The following BIN3 variants were observed in gnomAD, a reference collection of about 807,000 sequenced individuals.
The protein encoded by BIN3 is bridging integrator 3.
Under a neutral mutation model 38.2 loss-of-function variants are expected in BIN3, and 41 were observed. That is an observed-to-expected ratio of 1.07 (90% confidence interval 0.84 to 1.39). BIN3 has a LOEUF of 1.39. BIN3 is among the 40% of genes most tolerant of loss of function. The probability of loss-of-function intolerance (pLI) is 0.00; values close to 1 mark genes in which losing one functional copy is unlikely to be tolerated. For synonymous variants in BIN3, 145 were observed against 122.6 expected (o/e 1.18, Z -1.21); for missense variants, 361 against 324.3 (o/e 1.11, Z -0.87).
At chr8:22,621,807 G>A (rs1049629971) in intron 8 of BIN3, among the ~76,000 whole-genome samples, 3 of 152,218 alleles carry the variant, frequency 2.0e-5, no homozygotes, top group Admixed American at 2.0e-4. Flanking sequence ...CGGGCTCCTG[G>A]TTCCCCCAGC....
chr8:22,660,059 A>C (rs770826961), intron 1 of BIN3, among the ~76,000 whole-genome samples: 24 of 152,194 alleles, frequency 1.6e-4, no homozygotes, highest in Non-Finnish European at 3.2e-4. Flanking sequence ...ATGCACCACC[A>C]CCAGGCCCAA....
intron 1 of BIN3, among the ~76,000 whole-genome samples, chr8:22,662,520 G>A (rs1389352298): frequency 4.6e-5 from 7 of 152,200 alleles, no homozygotes; most frequent in Non-Finnish European, 7.3e-5. Context: ...AAAGAACTCA[G>A]CCAGTGTTCT....
intron 1 of BIN3, among the ~76,000 whole-genome samples, chr8:22,652,177 C>CT (rs1047329522): frequency 6.6e-6 from 1 of 152,016 alleles, no homozygotes; most frequent in African/African-American, 2.4e-5. Flanking sequence ...CTCCAAGTTG[C>CT]TTTTTTTCTT....
chr8:22,624,643 G>C (rs1801951967), intron 6 of BIN3: 1 of 378,062 alleles, frequency 2.6e-6, no homozygotes, highest in African/African-American at 2.1e-5. Context: ...CAGATGAGAG[G>C]AGGTGGGGTT....
intron 4 of BIN3, among the ~76,000 whole-genome samples, chr8:22,634,013 G>A (rs1802289367): frequency 6.6e-6 from 1 of 152,222 alleles, no homozygotes; most frequent in Non-Finnish European, 1.5e-5. Context: ...CATGGACGGT[G>A]CGTCACGGAC....
chr8:22,632,605 G>A (rs1053280189), intron 4 of BIN3, among the ~76,000 whole-genome samples: 62 of 151,662 alleles, frequency 4.1e-4, no homozygotes, highest in African/African-American at 1.5e-3. Context: ...GATAAAGCTG[G>A]AAATGTTTCT....
intron 6 of BIN3, among the ~76,000 whole-genome samples, chr8:22,628,845 C>A (rs1312914589): frequency 6.6e-6 from 1 of 152,172 alleles, no homozygotes; most frequent in Non-Finnish European, 1.5e-5. Context: ...AAGCCCAGGA[C>A]CAAAACCCAC....
In BIN3 at chr8:22,643,652, T is replaced by G. The variant is rs144918902; in HGVS notation, c.57+1103A>C. On this transcript the variant is annotated intron_variant, in intron 2 of 8. Transcript: ENST00000276416. Reference sequence around the variant, plus strand: ...CCTGTTTCCTCTCAAGTGACCTTACTCTGGATTTGCTAGAGATGGAGCCAT... The same window carrying G: ...CCTGTTTCCTCTCAAGTGACCTTACGCTGGATTTGCTAGAGATGGAGCCAT... 5.7e-4 allele frequency among the ~76,000 whole-genome samples: 87 copies of G among 152,328 alleles called. 1 individual carries two copies. Among genetic ancestry groups the G allele is most frequent in the Non-Finnish European group, 1.1e-3 (75 of 68,022 alleles).
chr8:22,645,959 G>C (rs554567543), intron 1 of BIN3, among the ~76,000 whole-genome samples: 16 of 152,200 alleles, frequency 1.1e-4, no homozygotes, highest in Non-Finnish European at 2.2e-4. Context: ...CTGCACCTCA[G>C]ATTCCCTACT....
intron 1 of BIN3, among the ~76,000 whole-genome samples, chr8:22,658,170 C>T (rs975904196): frequency 2.0e-5 from 3 of 152,152 alleles, no homozygotes; most frequent in African/African-American, 4.8e-5. Flanking sequence ...AATATGAGCA[C>T]CAGAGGGCAG....
At position 22,623,935 on chromosome 8, in the gene BIN3, C is replaced by T. The variant is rs773714713; in HGVS notation, c.595G>A (p.Glu199Lys). The change falls in exon 8 of 9, where the codon GAG becomes AAG. Residue 199 changes from glutamate (E) to lysine (K), a missense_variant. Physicochemically the swap from Glu to Lys is moderately conservative, Grantham distance 56. Coordinates refer to ENST00000276416, the MANE Select transcript of BIN3 (RefSeq NM_018688.6). ...CTCACCTGAGCTCGGATGAGGGACT[C>T]AAAGCTGGGCTGGAAGTAGTCGAGG... Reference protein sequence around the residue: ...SRLDYFQPSFESLIRAQVVYY... With the variant: ...SRLDYFQPSFKSLIRAQVVYY... 8 of 1,611,696 alleles carry T rather than the reference C, an allele frequency of 5.0e-6. No individual in the cohort carries two copies. In the African/African-American group the frequency reaches 5.3e-5, roughly 11 times the overall value.
At chr8:22,648,946 T>C (rs1315617187) in intron 1 of BIN3, among the ~76,000 whole-genome samples, 1 of 146,698 alleles carries the variant, frequency 6.8e-6, no homozygotes, top group Non-Finnish European at 1.5e-5. Flanking sequence ...TATGTAAGTG[T>C]GTGTGTGTAT....
chr8:22,654,677 T>G (rs911445310), intron 1 of BIN3, among the ~76,000 whole-genome samples: 2 of 152,250 alleles, frequency 1.3e-5, no homozygotes, highest in African/African-American at 4.8e-5. Flanking sequence ...TTTATTTTTT[T>G]AATCACTGAA....
chr8:22,631,242 G>C (rs1802190898), intron 4 of BIN3, among the ~76,000 whole-genome samples: 2 of 152,200 alleles, frequency 1.3e-5, no homozygotes, highest in Admixed American at 6.5e-5. Context: ...AGATACGCTG[G>C]AAAATGTGTT....
At chr8:22,623,012 C>T (rs139997604) in intron 8 of BIN3, among the ~76,000 whole-genome samples, 12 of 152,326 alleles carry the variant, frequency 7.9e-5, no homozygotes, top group South Asian at 2.1e-4. Context: ...CCAGGCTTCA[C>T]GGCTGCGACT....
At chr8:22,634,512 C>A (rs1300160426) in intron 4 of BIN3, 2 of 456,180 alleles carry the variant, frequency 4.4e-6, no homozygotes, top group Non-Finnish European at 8.8e-6. Context: ...CAGTAACTGG[C>A]TGAGGCTTAG....
At chr8:22,668,908 C>T in intron 1 of BIN3, 136 bp downstream of exon 1, 1 of 1,145,982 alleles carries the variant, frequency 8.7e-7, no homozygotes. Flanking sequence ...GACCCTAGGG[C>T]AGGGGCTGTC....
chr8:22,656,969 G>GA (rs1402315460), intron 1 of BIN3, among the ~76,000 whole-genome samples: 1 of 152,194 alleles, frequency 6.6e-6, no homozygotes, highest in Non-Finnish European at 1.5e-5. Context: ...CAAGGGCAAG[G>GA]ACTGAATGTC....
intron 6 of BIN3, among the ~76,000 whole-genome samples, chr8:22,626,901 G>A (rs1345015662): frequency 2.0e-5 from 3 of 152,202 alleles, no homozygotes; most frequent in Admixed American, 1.3e-4. Flanking sequence ...AGAGCCACCA[G>A]GAGCGCTGAC....
Sources: allele counts gnomAD v4.1 joint callset (sites outside exome capture counted in the v4.1 genomes callset), GRCh38; gene constraint gnomAD v4.1.1; transcripts MANE v1.5; gene names NCBI Gene and HGNC (gene_info 2026-07-23, HGNC 2026-07-21).